GOSR1: variants seen among roughly 807,000 people sequenced by gnomAD.
GOSR1 encodes golgi SNAP receptor complex member 1, also known as 28 kDa Golgi SNARE protein.
A neutral mutation model predicts 35.5 loss-of-function variants in GOSR1; 21 were observed. The observed-to-expected ratio is 0.59, with a 90% CI of 0.42 to 0.85. The LOEUF (loss-of-function observed/expected upper bound fraction) is 0.85. Ranked by LOEUF, GOSR1 falls within the 40% of genes least tolerant of loss-of-function variation. GOSR1 has a pLI of 0.00. For missense variants in GOSR1, 285 were observed against 309.6 expected, an observed-to-expected ratio of 0.92 and a Z score of 0.60; for synonymous variants, 94 against 106.6, an observed-to-expected ratio of 0.88 and a Z score of 0.73.
chr17:30,488,257 C>T lies in GOSR1; in HGVS notation c.343-1869C>T, dbSNP rs1439286662. Among the ~76,000 whole-genome samples, 18 of 149,398 alleles carry T rather than the reference C, an allele frequency of 1.2e-4. No homozygotes were observed. In the East Asian group the frequency reaches 3.2e-3, roughly 27 times the overall value. ...TTGGCTCACTGCAACCTCTGCCTCC[C>T]GGGTTCACACCATTCTCCTGCCTCA... On this transcript the variant is annotated intron_variant, in intron 4 of 8. Transcript: ENST00000451249.
rs1428191921 is a variant in GOSR1 at position 30,526,941 on chromosome 17, G to A, written c.*4563G>A. The A allele has an allele frequency of 6.6e-6, 1 of 152,144 alleles. No homozygotes were observed. The highest frequency in any genetic ancestry group is 2.4e-5 in the African/African-American group (1 of 41,424). 9.4% of individuals were successfully genotyped at this position (152,144 alleles called of 1,614,324 possible). On this transcript the variant is annotated 3_prime_UTR_variant, in exon 9 of 9. Coordinates refer to ENST00000451249, the MANE Select transcript of GOSR1 (RefSeq NM_001007025.2). Reference sequence around the variant, plus strand: ...TGAAACCCAGGATGAAATAATACAGGTGCTGAAAAGCTGTCACATGTCATT... The same window carrying A: ...TGAAACCCAGGATGAAATAATACAGATGCTGAAAAGCTGTCACATGTCATT...
intron 4 of GOSR1, 161 bp downstream of exon 4, chr17:30,484,931 G>T (rs1193257270): frequency 1.5e-6 from 1 of 657,844 alleles, no homozygotes; most frequent in Non-Finnish European, 2.8e-6. Context: ...TTTTTTTTGG[G>T]GTCACCATTA....
chr17:30,484,192 C>T (rs1914528462), intron 2 of GOSR1, 22 bp from the exon 3 acceptor site: 1 of 1,311,474 alleles, frequency 7.6e-7, no homozygotes, highest in Non-Finnish European at 1.1e-6. Context: ...AATGGATCCT[C>T]TTTAACTGAA....
intron 7 of GOSR1, among the ~76,000 whole-genome samples, chr17:30,517,043 C>T (rs1475466114): frequency 6.6e-6 from 1 of 152,180 alleles, no homozygotes; most frequent in Admixed American, 6.6e-5. Context: ...TACCCAAATA[C>T]TATGTAATCA....
intron 5 of GOSR1, among the ~76,000 whole-genome samples, chr17:30,491,653 T>C (rs1248049475): frequency 2.0e-5 from 3 of 151,772 alleles, no homozygotes; most frequent in Non-Finnish European, 4.4e-5. Flanking sequence ...AGCAAGACTC[T>C]GTCTAAAAAA....
Position 30,524,576 on chromosome 17 carries a change from T to C in GOSR1, c.*2198T>C, listed in dbSNP as rs1325157437. 3.9e-5 allele frequency: 6 copies of C among 152,116 alleles called. No individual in the cohort carries two copies. Among genetic ancestry groups the C allele is most frequent in the Non-Finnish European group, 8.8e-5 (6 of 68,024 alleles). The allele number at this position is 152,116 out of a possible 1,614,324, so 9.4% of individuals were successfully genotyped here. A position where few individuals can be genotyped will look rare whatever the true frequency, so the allele number is the denominator to read the frequency against. On this transcript the variant is annotated 3_prime_UTR_variant, in exon 9 of 9. Transcript: ENST00000451249. Reference sequence around the variant, plus strand: ...CTTCCCTTGGATTAATATTTTCTACTGAAAAGAAATGAAATCTCAGTTCCA... The same window carrying C: ...CTTCCCTTGGATTAATATTTTCTACCGAAAAGAAATGAAATCTCAGTTCCA...
intron 8 of GOSR1, among the ~76,000 whole-genome samples, chr17:30,521,567 A>G (rs1202647842): frequency 6.7e-6 from 1 of 149,454 alleles, no homozygotes; most frequent in East Asian, 1.9e-4. Flanking sequence ...GAATTTTACA[A>G]TTACTCCAAA....
Position 30,522,340 on chromosome 17 carries a change from A to C in GOSR1, c.709A>C (p.Ile237Leu), listed in dbSNP as rs779901868. 7.5e-6 allele frequency: 12 copies of C among 1,608,218 alleles called. No individual in the cohort carries two copies. The highest frequency in any genetic ancestry group is 9.3e-6 in the Non-Finnish European group (11 of 1,177,054). Residue 237 changes from isoleucine (I) to leucine (L), a missense_variant, in exon 9 of 9, where the codon ATC becomes CTC. Physicochemically the swap from Ile to Leu is conservative, Grantham distance 5. Coordinates refer to ENST00000451249, the MANE Select transcript of GOSR1 (RefSeq NM_001007025.2). ...DSLILGGVIG[I>L]CTILLLLYAF... ...GCTCATCCTAGGGGGTGTTATTGGG[A>C]TCTGTACCATCCTGTTGCTGCTGTA...
At chr17:30,503,123 T>C (rs1967275551) in intron 6 of GOSR1, among the ~76,000 whole-genome samples, 1 of 152,230 alleles carries the variant, frequency 6.6e-6, no homozygotes, top group Admixed American at 6.5e-5. Context: ...GCTTATTACT[T>C]TCCTACCATT....
intron 6 of GOSR1, among the ~76,000 whole-genome samples, chr17:30,504,100 C>T (rs1465073893): frequency 1.3e-5 from 2 of 150,864 alleles, no homozygotes; most frequent in Admixed American, 1.3e-4. Context: ...GATCTCGGCT[C>T]ACTGCAACTT....
chr17:30,482,214 T>C (rs1306470277), intron 2 of GOSR1, among the ~76,000 whole-genome samples: 5 of 151,998 alleles, frequency 3.3e-5, no homozygotes, highest in African/African-American at 9.6e-5. Context: ...ATAATATAGT[T>C]ATTCTACAAC....
chr17:30,477,835 G>A (rs1031306588), intron 1 of GOSR1: 2 of 985,254 alleles, frequency 2.0e-6, no homozygotes, highest in Non-Finnish European at 2.4e-6. Flanking sequence ...AAGATCCAGA[G>A]CCCCGGAGAC....
At chr17:30,509,502 G>A (rs965494997) in intron 6 of GOSR1, among the ~76,000 whole-genome samples, 11 of 152,190 alleles carry the variant, frequency 7.2e-5, no homozygotes, top group African/African-American at 2.7e-4. Flanking sequence ...CCTTGACTTC[G>A]TAGCATGAAC....
At chr17:30,502,559 T>A (rs995476695) in intron 6 of GOSR1, among the ~76,000 whole-genome samples, 2 of 152,272 alleles carry the variant, frequency 1.3e-5, no homozygotes, top group African/African-American at 4.8e-5. Context: ...TTTATTTTTT[T>A]ATTTTCTCCT....
intron 3 of GOSR1, 76 bp downstream of exon 3, chr17:30,484,377 A>G: frequency 1.2e-6 from 1 of 859,948 alleles, no homozygotes; most frequent in Admixed American, 1.7e-5. Context: ...TTATATTGAG[A>G]CAGACATGTT....
intron 2 of GOSR1, among the ~76,000 whole-genome samples, chr17:30,481,856 A>C (rs1382122050): frequency 6.6e-6 from 1 of 152,146 alleles, no homozygotes; most frequent in Non-Finnish European, 1.5e-5. Context: ...GTAGCCAGGC[A>C]CAGTAGATGA....
At chr17:30,499,299 C>T (rs1424540370) in intron 6 of GOSR1, among the ~76,000 whole-genome samples, 1 of 150,464 alleles carries the variant, frequency 6.6e-6, no homozygotes, top group Non-Finnish European at 1.5e-5. Flanking sequence ...TTATTATGAA[C>T]ATTCATAAAC....
intron 7 of GOSR1, chr17:30,519,704 A>G: frequency 2.8e-6 from 1 of 360,822 alleles, no homozygotes; most frequent in Non-Finnish European, 5.0e-6. Flanking sequence ...ATTTTGAAGC[A>G]AACATAGGAA....
chr17:30,521,588 CA>C (rs34019339), intron 8 of GOSR1, among the ~76,000 whole-genome samples: 5,981 of 132,050 alleles, frequency 0.045, 351 homozygotes, highest in African/African-American at 0.15. Flanking sequence ...AGAATGTGTT[CA>C]AAAAAAAAAA....
Sources: allele counts gnomAD v4.1 joint callset (sites outside exome capture counted in the v4.1 genomes callset), GRCh38; gene constraint gnomAD v4.1.1; transcripts MANE v1.5; gene names NCBI Gene and HGNC (gene_info 2026-07-23, HGNC 2026-07-21).